The following PDE1A variants were observed in gnomAD, a reference collection of about 807,000 sequenced individuals.
PDE1A encodes the protein phosphodiesterase 1A, also known as dual specificity calcium/calmodulin-dependent 3',5'-cyclic nucleotide phosphodiesterase 1A.
PDE1A carries 35 observed loss-of-function variants against 61.7 expected under a neutral mutation model. The ratio of observed to expected loss-of-function variants is 0.57; its 90% CI spans 0.43 to 0.75. The LOEUF (loss-of-function observed/expected upper bound fraction) is 0.75. Ranked by LOEUF, PDE1A falls within the 30% of genes least tolerant of loss-of-function variation. The pLI, the probability that PDE1A is intolerant of heterozygous loss-of-function variation, is 0.00. For missense variants in PDE1A, 597 were observed against 630.6 expected (o/e 0.95, Z 0.57); for synonymous variants, 232 against 213.2 (o/e 1.09, Z -0.77).
At chr2:182,501,559 A>G (rs1446275901) in intron 2 of PDE1A, among the ~76,000 whole-genome samples, 2 of 152,236 alleles carry the variant, frequency 1.3e-5, no homozygotes, top group East Asian at 3.8e-4. Context: ...TCTACAGAGG[A>G]AAATAAAATC....
chr2:182,522,090 T>A (rs574355033), intron 2 of PDE1A, among the ~76,000 whole-genome samples: 2 of 152,182 alleles, frequency 1.3e-5, no homozygotes, highest in African/African-American at 4.8e-5. Flanking sequence ...CTTACTTTAA[T>A]AACATGTGCA....
At chr2:182,220,674 T>C (rs1688642581) in intron 7 of PDE1A, among the ~76,000 whole-genome samples, 2 of 152,110 alleles carry the variant, frequency 1.3e-5, no homozygotes, top group African/African-American at 4.8e-5. Context: ...AAGGATTTCA[T>C]GCATTATAAT....
chr2:182,692,719 G>T, the PDE1A span, among the ~76,000 whole-genome samples: 1 of 148,638 alleles, frequency 6.7e-6, no homozygotes, highest in Non-Finnish European at 1.5e-5. Context: ...ATAAAAGAAA[G>T]TTAGGTTGAA....
At chr2:182,212,479 G>C (rs886627362) in intron 7 of PDE1A, among the ~76,000 whole-genome samples, 11 of 152,178 alleles carry the variant, frequency 7.2e-5, no homozygotes, top group African/African-American at 2.4e-4. Flanking sequence ...AGAAGACGGT[G>C]ATTTCTGCAT....
the PDE1A span, among the ~76,000 whole-genome samples, chr2:182,614,145 C>A: frequency 6.6e-6 from 1 of 152,256 alleles, no homozygotes; most frequent in South Asian, 2.1e-4. Flanking sequence ...CAATGGCTAC[C>A]AAGTTGATAG....
chr2:182,143,429 G>A (rs555383210), downstream of PDE1A, among the ~76,000 whole-genome samples: 21 of 152,188 alleles, frequency 1.4e-4, no homozygotes, highest in East Asian at 3.9e-3. Context: ...ATCAATTACT[G>A]TGTGGCAATT....
chr2:182,472,885 A>C (rs1364288171), intron 2 of PDE1A, among the ~76,000 whole-genome samples: 1 of 151,750 alleles, frequency 6.6e-6, no homozygotes. Context: ...CTTCTTTAAC[A>C]TTAAATCCTA....
the PDE1A span, among the ~76,000 whole-genome samples, chr2:182,579,406 T>C: frequency 2.0e-5 from 3 of 152,230 alleles, no homozygotes; most frequent in East Asian, 3.8e-4. Context: ...GGACAATAAA[T>C]GTTAGGAGTT....
At chr2:182,241,870 A>C in intron 2 of PDE1A, 1 of 1,549,076 alleles carries the variant, frequency 6.5e-7, no homozygotes. Context: ...TAAAACACTG[A>C]ACTAGAAAAT....
intron 13 of PDE1A, among the ~76,000 whole-genome samples, chr2:182,179,202 T>C (rs1684538318): frequency 6.6e-6 from 1 of 152,212 alleles, no homozygotes; most frequent in Non-Finnish European, 1.5e-5. Context: ...GGCCTAAGGA[T>C]ATGATATGTA....
the PDE1A span, among the ~76,000 whole-genome samples, chr2:182,671,883 T>C: frequency 6.6e-6 from 1 of 152,016 alleles, no homozygotes; most frequent in South Asian, 2.1e-4. Flanking sequence ...CCTCCCAAAG[T>C]GCTGGGATTA....
At chr2:182,157,902 C>T (rs910984603) in intron 13 of PDE1A, among the ~76,000 whole-genome samples, 1 of 152,166 alleles carries the variant, frequency 6.6e-6, no homozygotes, top group Non-Finnish European at 1.5e-5. Context: ...TTGGTAGTAG[C>T]TATGTTGATT....
chr2:182,617,611 T>A, the PDE1A span, among the ~76,000 whole-genome samples: 1 of 152,206 alleles, frequency 6.6e-6, no homozygotes, highest in African/African-American at 2.4e-5. Context: ...CCCCTGAACT[T>A]TGCATGTGGC....
intron 1 of PDE1A, among the ~76,000 whole-genome samples, chr2:182,401,879 A>G (rs899923042): frequency 1.3e-5 from 2 of 152,222 alleles, no homozygotes; most frequent in Non-Finnish European, 2.9e-5. Flanking sequence ...ATACACCAAT[A>G]ACAGACAAAC....
chr2:182,161,537 T>C (rs1691381687), intron 13 of PDE1A, among the ~76,000 whole-genome samples: 1 of 152,040 alleles, frequency 6.6e-6, no homozygotes, highest in African/African-American at 2.4e-5. Context: ...ATTAACTGCA[T>C]TGTCAGAAAA....
At chr2:182,331,878 A>C (rs1173224024) in intron 1 of PDE1A, among the ~76,000 whole-genome samples, 8 of 152,068 alleles carry the variant, frequency 5.3e-5, no homozygotes, top group African/African-American at 1.9e-4. Flanking sequence ...ATATTTCCTG[A>C]ATTTGAATGT....
chr2:182,403,395 C>T (rs1375266543), intron 1 of PDE1A, among the ~76,000 whole-genome samples: 1 of 151,830 alleles, frequency 6.6e-6, no homozygotes, highest in African/African-American at 2.4e-5. Context: ...GTCAGGAGAT[C>T]GAGACCATCC....
the PDE1A span, among the ~76,000 whole-genome samples, chr2:182,703,496 AATTT>A: frequency 1.3e-5 from 2 of 152,198 alleles, no homozygotes; most frequent in Non-Finnish European, 2.9e-5. Context: ...GGTTGGGTAA[AATTT>A]ATGCCTCCAC....
chr2:182,422,502 C>T (rs1306738214), intron 1 of PDE1A, among the ~76,000 whole-genome samples: 3 of 152,068 alleles, frequency 2.0e-5, no homozygotes, highest in Non-Finnish European at 2.9e-5. Flanking sequence ...TTTACTGGTG[C>T]AATTTTACTA....
Sources: gnomAD v4.1 joint callset for allele counts (sites outside exome capture counted in the v4.1 genomes callset) on GRCh38, gnomAD v4.1.1 for gene constraint, MANE v1.5 for transcripts, NCBI Gene and HGNC (gene_info 2026-07-23, HGNC 2026-07-21) for gene names.